The following IKZF2 variants were observed in gnomAD, a reference collection of about 807,000 sequenced individuals.
IKZF2 encodes the protein IKAROS family zinc finger 2.
In IKZF2, 15 loss-of-function variants were observed where a neutral mutation model predicts 49.2. The ratio of observed to expected loss-of-function variants is 0.30; its 90% confidence interval spans 0.20 to 0.47. The LOEUF is 0.47. Ranked by LOEUF, IKZF2 falls within the 20% of genes least tolerant of loss-of-function variation. The pLI is 1.00. For synonymous variants in IKZF2, 227 were observed against 221.4 expected, an observed-to-expected ratio of 1.03 and a Z score of -0.23; for missense variants, 567 against 664.6, an observed-to-expected ratio of 0.85 and a Z score of 1.61.
At position 213,037,693 on chromosome 2, in the gene IKZF2, T is replaced by C. The variant is rs564239343; in HGVS notation, c.574+12020A>G. On this transcript the variant is annotated intron_variant, in intron 6 of 8. Coordinates refer to ENST00000434687, the MANE Select transcript of IKZF2 (RefSeq NM_001387220.1). ...GCACCAAAGGCATCAGTATCAGAATTTGATGGATGAAATCAGCACAGCACA... is the reference window on the plus strand; with the variant it reads ...GCACCAAAGGCATCAGTATCAGAATCTGATGGATGAAATCAGCACAGCACA... Among the ~76,000 whole-genome samples, 33 of 152,298 alleles carry C rather than the reference T, an allele frequency of 2.2e-4. 1 individual carries two copies. The South Asian group carries it at 5.8e-3, about 27-fold the overall frequency.
intron 4 of IKZF2, among the ~76,000 whole-genome samples, chr2:213,091,061 A>C (rs909520755): frequency 6.6e-6 from 1 of 152,180 alleles, no homozygotes; most frequent in Non-Finnish European, 1.5e-5. Flanking sequence ...AGTCCTTCAG[A>C]GGAAAGGAAA....
At chr2:213,116,335 T>C (rs981352916) in intron 4 of IKZF2, among the ~76,000 whole-genome samples, 7 of 152,258 alleles carry the variant, frequency 4.6e-5, no homozygotes, top group Admixed American at 2.0e-4. Flanking sequence ...TTTCCATGTT[T>C]ACATGGTCAT....
At chr2:213,126,006 T>C (rs2060247750) in intron 4 of IKZF2, among the ~76,000 whole-genome samples, 1 of 152,182 alleles carries the variant, frequency 6.6e-6, no homozygotes, top group Admixed American at 6.5e-5. Flanking sequence ...CTAGGGTACT[T>C]GAGTGGTGGA....
intron 6 of IKZF2, among the ~76,000 whole-genome samples, chr2:213,029,043 C>G (rs1239618861): frequency 6.6e-6 from 1 of 151,876 alleles, no homozygotes; most frequent in Non-Finnish European, 1.5e-5. Flanking sequence ...ATATATTATC[C>G]TTTTTATATA....
intron 4 of IKZF2, among the ~76,000 whole-genome samples, chr2:213,069,417 G>C (rs114293360): frequency 0.011 from 1,710 of 152,082 alleles, 28 homozygotes; most frequent in African/African-American, 0.039. Flanking sequence ...ATTATTTCAG[G>C]AGCACAAGAA....
intron 6 of IKZF2, among the ~76,000 whole-genome samples, chr2:213,043,732 C>T (rs1015217035): frequency 1.3e-5 from 2 of 152,138 alleles, no homozygotes; most frequent in African/African-American, 4.8e-5. Context: ...CAATAGGGTG[C>T]GTGCCTATGA....
intron 4 of IKZF2, among the ~76,000 whole-genome samples, chr2:213,144,543 G>A (rs529302680): frequency 4.6e-5 from 7 of 151,774 alleles, no homozygotes; most frequent in African/African-American, 7.3e-5. Context: ...CTGATGGGCC[G>A]AAATACAATA....
chr2:213,140,790 A>T (rs1399009780), intron 4 of IKZF2, among the ~76,000 whole-genome samples: 1 of 152,032 alleles, frequency 6.6e-6, no homozygotes, highest in African/African-American at 2.4e-5. Flanking sequence ...TTTTGATTTA[A>T]TGGGGCAATT....
At chr2:213,108,588 G>A (rs1160066997) in intron 4 of IKZF2, among the ~76,000 whole-genome samples, 3 of 152,026 alleles carry the variant, frequency 2.0e-5, no homozygotes, top group African/African-American at 4.8e-5. Context: ...ATAGGAAAAC[G>A]GTCCAAGAGT....
At chr2:213,040,413 T>C (rs1038076434) in intron 6 of IKZF2, among the ~76,000 whole-genome samples, 4 of 152,120 alleles carry the variant, frequency 2.6e-5, no homozygotes, top group African/African-American at 9.6e-5. Context: ...TTTTTCTCTT[T>C]ATAATTTATA....
chr2:213,147,415 C>G, intron 4 of IKZF2: 1 of 540,844 alleles, frequency 1.8e-6, no homozygotes, highest in Non-Finnish European at 3.3e-6. Flanking sequence ...AACAAAAAAT[C>G]CAGTCATAAA....
intron 4 of IKZF2, among the ~76,000 whole-genome samples, chr2:213,141,066 T>C (rs1028074669): frequency 3.9e-5 from 6 of 151,916 alleles, no homozygotes; most frequent in African/African-American, 1.2e-4. Flanking sequence ...GCTCCAGTAT[T>C]TGCTATCTTC....
chr2:213,027,302 T>A (rs1454001010), intron 6 of IKZF2, among the ~76,000 whole-genome samples: 1 of 152,178 alleles, frequency 6.6e-6, no homozygotes. Context: ...CCAGTAGTCA[T>A]AGAAATATTA....
chr2:213,034,670 TATA>T (rs1698828304), intron 6 of IKZF2, among the ~76,000 whole-genome samples: 1 of 152,130 alleles, frequency 6.6e-6, no homozygotes, highest in African/African-American at 2.4e-5. Flanking sequence ...CTAAAACAGT[TATA>T]ATAATAACAA....
At chr2:213,083,384 C>CTTT (rs753296985) in intron 4 of IKZF2, among the ~76,000 whole-genome samples, 3,248 of 80,100 alleles carry the variant, frequency 0.041, 332 homozygotes, top group African/African-American at 0.13. Flanking sequence ...GACGGCGAAC[C>CTTT]TTTTTTTTTT....
At chr2:213,040,059 G>C (rs1007403020) in intron 6 of IKZF2, among the ~76,000 whole-genome samples, 1 of 152,004 alleles carries the variant, frequency 6.6e-6, no homozygotes, top group African/African-American at 2.4e-5. Context: ...GGATGATTCC[G>C]TTTTTGAGCA....
At chr2:213,081,951 G>C (rs1355095920) in intron 4 of IKZF2, among the ~76,000 whole-genome samples, 1 of 152,114 alleles carries the variant, frequency 6.6e-6, no homozygotes, top group East Asian at 1.9e-4. Context: ...CAAAGTCAGG[G>C]AGGTCCTTAA....
intron 4 of IKZF2, among the ~76,000 whole-genome samples, chr2:213,134,977 T>G (rs945010267): frequency 6.6e-5 from 10 of 152,192 alleles, no homozygotes; most frequent in African/African-American, 2.4e-4. Context: ...TCTTCTATGC[T>G]CTCTATACTT....
intron 5 of IKZF2, among the ~76,000 whole-genome samples, chr2:213,054,587 C>G (rs1204387574): frequency 6.6e-6 from 1 of 152,140 alleles, no homozygotes; most frequent in Non-Finnish European, 1.5e-5. Context: ...TTAATGATAT[C>G]ATGTCCACAA....
Sources: gnomAD v4.1 joint callset for allele counts (sites outside exome capture counted in the v4.1 genomes callset) on GRCh38, gnomAD v4.1.1 for gene constraint, MANE v1.5 for transcripts, NCBI Gene and HGNC (gene_info 2026-07-23, HGNC 2026-07-21) for gene names.